The following SLC25A26 variants were observed in gnomAD, a reference collection of about 807,000 sequenced individuals.
SLC25A26 encodes the protein solute carrier family 25 member 26.
In SLC25A26, 36 loss-of-function variants were observed where a neutral mutation model predicts 37.8. The observed-to-expected ratio is 0.95, with a 90% confidence interval of 0.73 to 1.26. SLC25A26 has a LOEUF of 1.26. Among genes scored for constraint, SLC25A26 ranks in the 50% most tolerant of loss-of-function variants. SLC25A26 has a pLI of 0.00. For synonymous variants in SLC25A26, 129 were observed against 122.5 expected (o/e 1.05, Z -0.35); for missense variants, 390 against 331.1 (o/e 1.18, Z -1.38).
At chr3:66,375,206 CAGGGTTTGA>C (rs1222263448) in intron 9 of SLC25A26, among the ~76,000 whole-genome samples, 1 of 152,110 alleles carries the variant, frequency 6.6e-6, no homozygotes, top group African/African-American at 2.4e-5. Context: ...GAGGAAGCTG[CAGGGTTTGA>C]AGTTAGGAGA....
chr3:66,228,759 A>G (rs1033098428), intron 1 of SLC25A26, among the ~76,000 whole-genome samples: 3 of 152,236 alleles, frequency 2.0e-5, no homozygotes, highest in Non-Finnish European at 4.4e-5. Flanking sequence ...TATAGGTATA[A>G]TTTTATATTC....
intron 1 of SLC25A26, among the ~76,000 whole-genome samples, chr3:66,154,524 C>A (rs2070251680): frequency 6.7e-6 from 1 of 148,664 alleles, no homozygotes; most frequent in African/African-American, 2.5e-5. Context: ...TCTGTCCAAC[C>A]TCGTTTTCTT....
At chr3:66,337,304 C>T (rs550576260) in intron 5 of SLC25A26, among the ~76,000 whole-genome samples, 1 of 152,126 alleles carries the variant, frequency 6.6e-6, no homozygotes, top group Non-Finnish European at 1.5e-5. Context: ...TGGTCTTAGC[C>T]TACCATGTTA....
intron 6 of SLC25A26, among the ~76,000 whole-genome samples, chr3:66,357,805 G>A (rs986561130): frequency 6.6e-6 from 1 of 151,866 alleles, no homozygotes; most frequent in African/African-American, 2.4e-5. Flanking sequence ...GATGTAGTTC[G>A]ACTAGAAGTT....
chr3:66,354,575 T>C (rs1191973716), intron 6 of SLC25A26, among the ~76,000 whole-genome samples: 1 of 152,228 alleles, frequency 6.6e-6, no homozygotes, highest in Non-Finnish European at 1.5e-5. Flanking sequence ...TTGTTGATTC[T>C]TGTTTTAATA....
chr3:66,138,973 G>A (rs2069992418), intron 1 of SLC25A26, among the ~76,000 whole-genome samples: 1 of 152,156 alleles, frequency 6.6e-6, no homozygotes, highest in Non-Finnish European at 1.5e-5. Flanking sequence ...ACTAACAGGA[G>A]TAGATTGATT....
At chr3:66,290,022 G>C (rs1174534472) in intron 5 of SLC25A26, among the ~76,000 whole-genome samples, 1 of 152,162 alleles carries the variant, frequency 6.6e-6, no homozygotes, top group African/African-American at 2.4e-5. Flanking sequence ...TCTCCTTGAA[G>C]AGGTCCTTCA....
chr3:66,308,643 A>G (rs951102186), intron 5 of SLC25A26, among the ~76,000 whole-genome samples: 5 of 152,220 alleles, frequency 3.3e-5, no homozygotes, highest in African/African-American at 1.2e-4. Flanking sequence ...TGAGTTTGTC[A>G]TAACTATTCC....
chr3:66,209,498 G>T (rs1231656632), intron 1 of SLC25A26, among the ~76,000 whole-genome samples: 4 of 136,560 alleles, frequency 2.9e-5, no homozygotes, highest in African/African-American at 1.1e-4. Flanking sequence ...CTTTTATATG[G>T]GTATATAGTT....
At chr3:66,190,180 C>T (rs939388573) in intron 1 of SLC25A26, among the ~76,000 whole-genome samples, 90,457 of 151,742 alleles carry the variant, frequency 0.6, 27,483 homozygotes, top group African/African-American at 0.7. Flanking sequence ...CCAAATATGG[C>T]GGCATAAACC....
chr3:66,226,594 A>G (rs1057052117), intron 1 of SLC25A26, among the ~76,000 whole-genome samples: 2 of 152,058 alleles, frequency 1.3e-5, no homozygotes, highest in Non-Finnish European at 2.9e-5. Flanking sequence ...GACTAGAGGC[A>G]TGCACCAACC....
At chr3:66,372,286 T>C (rs1700391033) in intron 9 of SLC25A26, among the ~76,000 whole-genome samples, 1 of 152,190 alleles carries the variant, frequency 6.6e-6, no homozygotes, top group African/African-American at 2.4e-5. Context: ...GACCTTAGCT[T>C]TGTGGAGCTG....
intron 1 of SLC25A26, among the ~76,000 whole-genome samples, chr3:66,159,438 T>G (rs780738044): frequency 6.6e-6 from 1 of 152,234 alleles, no homozygotes; most frequent in Non-Finnish European, 1.5e-5. Context: ...TAAATTATGT[T>G]GAGTTTATGG....
intron 2 of SLC25A26, among the ~76,000 whole-genome samples, chr3:66,238,037 G>A (rs1199468510): frequency 2.0e-5 from 3 of 152,086 alleles, no homozygotes; most frequent in South Asian, 4.1e-4. Flanking sequence ...TTCGATTTTT[G>A]TGTATGTTAA....
At chr3:66,244,928 G>A (rs1384070163) in intron 3 of SLC25A26, among the ~76,000 whole-genome samples, 1 of 152,156 alleles carries the variant, frequency 6.6e-6, no homozygotes, top group Non-Finnish European at 1.5e-5. Context: ...AGTGAGCCGA[G>A]ATCAAGCCGC....
intron 5 of SLC25A26, among the ~76,000 whole-genome samples, chr3:66,299,472 G>C (rs2075008376): frequency 6.6e-6 from 1 of 152,156 alleles, no homozygotes; most frequent in African/African-American, 2.4e-5. Context: ...TTATAAGTGT[G>C]AGCCGATGTG....
At chr3:66,271,648 G>A (rs1225097052) in intron 5 of SLC25A26, among the ~76,000 whole-genome samples, 2 of 152,082 alleles carry the variant, frequency 1.3e-5, no homozygotes, top group African/African-American at 4.8e-5. Context: ...GTGGACTGGG[G>A]GCAGTGGTAC....
chr3:66,173,288 C>T (rs971205389), intron 1 of SLC25A26, among the ~76,000 whole-genome samples: 2 of 152,238 alleles, frequency 1.3e-5, no homozygotes, highest in South Asian at 2.1e-4. Context: ...ATGCTTTCCC[C>T]GGGAGCTAGA....
intron 5 of SLC25A26, among the ~76,000 whole-genome samples, chr3:66,328,463 C>T (rs1373257699): frequency 2.0e-5 from 3 of 152,128 alleles, no homozygotes; most frequent in African/African-American, 4.8e-5. Flanking sequence ...TAGATTTCCT[C>T]ATCAGCTCAC....
Sources: allele counts gnomAD v4.1 joint callset (sites outside exome capture counted in the v4.1 genomes callset), GRCh38; gene constraint gnomAD v4.1.1; transcripts MANE v1.5; gene names NCBI Gene and HGNC (gene_info 2026-07-23, HGNC 2026-07-21).